DYTN: variants seen among roughly 807,000 people sequenced by gnomAD.
The protein encoded by DYTN is dystrotelin.
In DYTN, 75 loss-of-function variants were observed where a neutral mutation model predicts 69.6. The observed-to-expected ratio is 1.08, with a 90% CI of 0.89 to 1.31. The LOEUF (loss-of-function observed/expected upper bound fraction) is 1.31, where lower values mean the gene tolerates loss of function less well. Among genes scored for constraint, DYTN ranks in the 50% most tolerant of loss-of-function variants. DYTN has a pLI of 0.00. For missense variants in DYTN, 726 were observed against 688.4 expected (o/e 1.05, Z -0.61); for synonymous variants, 252 against 249.1 (o/e 1.01, Z -0.11).
intron 9 of DYTN, among the ~76,000 whole-genome samples, chr2:206,666,738 C>CGTGTGTGTGTGTGTGT (rs56345459): frequency 1.4e-5 from 2 of 145,640 alleles, no homozygotes; most frequent in African/African-American, 2.5e-5. Context: ...CATGGGTGTG[C>CGTGTGTGTGTGTGTGT]GTGTGTGTGT....
chr2:206,658,793 T>G (rs1282350220), intron 11 of DYTN, among the ~76,000 whole-genome samples: 2 of 152,214 alleles, frequency 1.3e-5, no homozygotes, highest in African/African-American at 2.4e-5. Flanking sequence ...ATCTTTGTTC[T>G]CAAACCATGC....
At chr2:206,658,036 T>G (rs1699469095) in intron 11 of DYTN, among the ~76,000 whole-genome samples, 1 of 152,164 alleles carries the variant, frequency 6.6e-6, no homozygotes, top group Non-Finnish European at 1.5e-5. Flanking sequence ...CCTTAAACGT[T>G]CATCACTCTT....
chr2:206,711,509 A>C (rs1204123124), intron 1 of DYTN, among the ~76,000 whole-genome samples: 1 of 152,206 alleles, frequency 6.6e-6, no homozygotes, highest in African/African-American at 2.4e-5. Flanking sequence ...TTTAAATAAG[A>C]AAATGTAGGC....
intron 7 of DYTN, among the ~76,000 whole-genome samples, chr2:206,696,508 T>G (rs1699921170): frequency 6.6e-6 from 1 of 152,204 alleles, no homozygotes; most frequent in Non-Finnish European, 1.5e-5. Context: ...AGCATTTTTG[T>G]GCATGTTCTA....
At chr2:206,659,410 G>A (rs1459408897) in intron 11 of DYTN, among the ~76,000 whole-genome samples, 1 of 142,478 alleles carries the variant, frequency 7.0e-6, no homozygotes, top group Non-Finnish European at 1.5e-5. Flanking sequence ...TCCTGACCTC[G>A]TGATCTGCCC....
At chr2:206,688,280 G>A (rs1390975098) in intron 9 of DYTN, among the ~76,000 whole-genome samples, 1 of 152,156 alleles carries the variant, frequency 6.6e-6, no homozygotes, top group Non-Finnish European at 1.5e-5. Context: ...ATGGTCAACA[G>A]CAATATAAAT....
At chr2:206,659,505 A>AC (rs1234691097) in intron 11 of DYTN, among the ~76,000 whole-genome samples, 26 of 142,954 alleles carry the variant, frequency 1.8e-4, no homozygotes, top group Non-Finnish European at 3.4e-4. Flanking sequence ...AAAAAAAAAA[A>AC]AAAAAACTGG....
intron 2 of DYTN, among the ~76,000 whole-genome samples, 191 bp from the exon 3 acceptor site, chr2:206,707,694 G>A (rs1282787190): frequency 1.3e-5 from 2 of 152,056 alleles, no homozygotes; most frequent in African/African-American, 4.8e-5. Context: ...CTATTCTAGC[G>A]ATTCATTTGA....
chr2:206,672,605 G>A (rs1699641537), intron 9 of DYTN, among the ~76,000 whole-genome samples: 1 of 152,260 alleles, frequency 6.6e-6, no homozygotes, highest in African/African-American at 2.4e-5. Flanking sequence ...ACACACAGGT[G>A]GCCACTTGTC....
chr2:206,690,545 G>A (rs1373345775), intron 9 of DYTN, among the ~76,000 whole-genome samples: 2 of 152,228 alleles, frequency 1.3e-5, no homozygotes, highest in African/African-American at 4.8e-5. Context: ...AGGAGGTCAT[G>A]TGACAATGTG....
intron 2 of DYTN, among the ~76,000 whole-genome samples, chr2:206,708,662 T>C (rs952289956): frequency 6.6e-6 from 1 of 152,210 alleles, no homozygotes; most frequent in African/African-American, 2.4e-5. Flanking sequence ...AACCAGATAA[T>C]AGTGGTGTCC....
chr2:206,705,334 G>A (rs1219849176), intron 4 of DYTN, among the ~76,000 whole-genome samples: 1 of 152,188 alleles, frequency 6.6e-6, no homozygotes, highest in African/African-American at 2.4e-5. Context: ...CCAACCTCAG[G>A]TGATCCGCCC....
At chr2:206,663,495 G>C in intron 10 of DYTN, 100 bp from the exon 11 acceptor site, 1 of 1,285,758 alleles carries the variant, frequency 7.8e-7, no homozygotes, top group Non-Finnish European at 1.0e-6. Flanking sequence ...TCTAATGCAA[G>C]ACTTTTCTTT....
chr2:206,673,351 G>A (rs2105891290), intron 9 of DYTN, among the ~76,000 whole-genome samples: 1 of 152,216 alleles, frequency 6.6e-6, no homozygotes, highest in South Asian at 2.1e-4. Context: ...TCCTCCTTCT[G>A]GGTTCAAGCG....
At chr2:206,678,432 G>A (rs1175549146) in intron 9 of DYTN, among the ~76,000 whole-genome samples, 1 of 152,158 alleles carries the variant, frequency 6.6e-6, no homozygotes, top group African/African-American at 2.4e-5. Context: ...TTTCATTCTT[G>A]TGATTCACTT....
At chr2:206,662,740 A>C (rs1027438095) in intron 11 of DYTN, among the ~76,000 whole-genome samples, 163 bp downstream of exon 11, 1 of 150,380 alleles carries the variant, frequency 6.6e-6, no homozygotes, top group African/African-American at 2.5e-5. Flanking sequence ...GAATTAGGTA[A>C]TCCTAAAAAT....
At chr2:206,659,254 C>G (rs1301636700) in intron 11 of DYTN, among the ~76,000 whole-genome samples, 14 of 142,630 alleles carry the variant, frequency 9.8e-5, no homozygotes, top group Non-Finnish European at 1.8e-4. Context: ...TCACTGCAAG[C>G]TCCGCCTCCT....
intron 5 of DYTN, among the ~76,000 whole-genome samples, chr2:206,702,362 C>T (rs1699984699): frequency 6.6e-6 from 1 of 152,258 alleles, no homozygotes; most frequent in African/African-American, 2.4e-5. Context: ...CAGAGACCCT[C>T]CTGCTGAGTC....
chr2:206,686,093 G>A lies in DYTN; in HGVS notation c.980+7082C>T, dbSNP rs113904788. On this transcript the variant is annotated intron_variant, in intron 9 of 11. Transcript: ENST00000452335. ...AATGCCACCTGGCCACAGACCCTTT[G>A]CTGTGGGGAGTGCTCAGCTACTTTC... Among the ~76,000 whole-genome samples the A allele has an allele frequency of 5.4e-3, 823 of 151,968 alleles. 13 individuals are homozygous for A. Among genetic ancestry groups the A allele is most frequent in the African/African-American group, 0.019 (781 of 41,454 alleles).
Sources: gnomAD v4.1 joint callset for allele counts (sites outside exome capture counted in the v4.1 genomes callset) on GRCh38, gnomAD v4.1.1 for gene constraint, MANE v1.5 for transcripts, NCBI Gene and HGNC (gene_info 2026-07-23, HGNC 2026-07-21) for gene names.